Variants in PCDH15 observed in about 807,000 individuals in gnomAD.
PCDH15 encodes the protein protocadherin-15.
PCDH15 carries 129 observed loss-of-function variants against 178.5 expected under a neutral mutation model. That is an observed-to-expected ratio of 0.72 (90% CI 0.63 to 0.84). The LOEUF (loss-of-function observed/expected upper bound fraction) is 0.84. Among genes scored for constraint, PCDH15 ranks in the 40% least tolerant of loss-of-function variants. The pLI is 0.00. For synonymous variants in PCDH15, 800 were observed against 732.0 expected, an observed-to-expected ratio of 1.09 and a Z score of -1.50; for missense variants, 2,230 against 2,099.9, an observed-to-expected ratio of 1.06 and a Z score of -1.21.
intron 16 of PCDH15, among the ~76,000 whole-genome samples, chr10:54,085,826 A>G (rs1052448219): frequency 6.6e-6 from 1 of 152,158 alleles, no homozygotes; most frequent in Non-Finnish European, 1.5e-5. Flanking sequence ...AATACAAGAA[A>G]ATTTTGGCAT....
At chr10:54,185,989 A>G (rs565261554) in intron 11 of PCDH15, among the ~76,000 whole-genome samples, 1 of 152,228 alleles carries the variant, frequency 6.6e-6, no homozygotes, top group South Asian at 2.1e-4. Context: ...CAATCAACTT[A>G]GCATTGAAGA....
intron 18 of PCDH15, among the ~76,000 whole-genome samples, chr10:54,044,845 G>T (rs1488073381): frequency 1.3e-5 from 2 of 152,126 alleles, no homozygotes; most frequent in African/African-American, 4.8e-5. Flanking sequence ...TGAAGTATGA[G>T]TTGCTTTTTT....
intron 2 of PCDH15, among the ~76,000 whole-genome samples, chr10:55,038,921 G>A (rs1026375457): frequency 2.0e-5 from 3 of 152,096 alleles, no homozygotes; most frequent in Admixed American, 6.5e-5. Flanking sequence ...AAAAAGAATA[G>A]TTTATTCCGC....
intron 2 of PCDH15, among the ~76,000 whole-genome samples, chr10:55,492,235 GAA>G (rs1011128599): frequency 6.6e-6 from 1 of 150,678 alleles, no homozygotes; most frequent in Non-Finnish European, 1.5e-5. Context: ...AAAGAAAAAA[GAA>G]AAAAAAATTA....
At chr10:54,365,591 C>T (rs770706182) in intron 5 of PCDH15, among the ~76,000 whole-genome samples, 7 of 152,092 alleles carry the variant, frequency 4.6e-5, no homozygotes, top group Non-Finnish European at 7.4e-5. Context: ...TGTTTACTTA[C>T]ATCAAAATAA....
intron 2 of PCDH15, among the ~76,000 whole-genome samples, chr10:55,135,895 C>T (rs1838182923): frequency 6.6e-6 from 1 of 152,008 alleles, no homozygotes; most frequent in Admixed American, 6.6e-5. Flanking sequence ...AAAGCTTTTT[C>T]ATACCTTCTT....
chr10:54,999,149 C>T (rs555176287), intron 2 of PCDH15, among the ~76,000 whole-genome samples: 16 of 152,198 alleles, frequency 1.1e-4, no homozygotes, highest in African/African-American at 3.6e-4. Flanking sequence ...AACAATTCAT[C>T]ATTTGTTCTG....
At chr10:55,050,752 G>A (rs1334734427) in intron 2 of PCDH15, among the ~76,000 whole-genome samples, 11 of 151,960 alleles carry the variant, frequency 7.2e-5, no homozygotes, top group South Asian at 2.1e-4. Context: ...CAGTTCCTGC[G>A]TAGGCAGTCT....
chr10:55,472,291 AC>A (rs1377924325), intron 2 of PCDH15, among the ~76,000 whole-genome samples: 1 of 152,176 alleles, frequency 6.6e-6, no homozygotes, highest in Admixed American at 6.5e-5. Flanking sequence ...AGATTTCTCT[AC>A]AGTGCCAATT....
intron 2 of PCDH15, among the ~76,000 whole-genome samples, chr10:54,587,864 CAG>C (rs1372918167): frequency 3.9e-5 from 6 of 152,106 alleles, no homozygotes; most frequent in Admixed American, 3.3e-4. Flanking sequence ...TGAATATAAA[CAG>C]AGTTATAGAA....
chr10:55,180,843 T>C (rs1210166881), intron 1 of PCDH15, among the ~76,000 whole-genome samples: 1 of 152,108 alleles, frequency 6.6e-6, no homozygotes, highest in African/African-American at 2.4e-5. Context: ...GAGTTAACAC[T>C]TATATGGCAC....
chr10:55,602,232 G>T (rs182048139), intron 2 of PCDH15, among the ~76,000 whole-genome samples: 70 of 152,288 alleles, frequency 4.6e-4, no homozygotes, highest in African/African-American at 1.6e-3. Context: ...GGCTCGGAGG[G>T]TCCTACGCCC....
rs540644823 is a variant in PCDH15 at position 54,477,433 on chromosome 10, T to A, written c.157+50379A>T. Among the ~76,000 whole-genome samples, 36 of 152,304 alleles carry A rather than the reference T, an allele frequency of 2.4e-4. No homozygotes were observed. In the South Asian group the frequency reaches 2.9e-3, roughly 12 times the overall value. On this transcript the variant is annotated intron_variant, in intron 3 of 37. Coordinates refer to ENST00000644397, the MANE Select transcript of PCDH15 (RefSeq NM_001384140.1). ...GTTCCTATAACAACACTCATCATGA[T>A]GTGCTAGAATTGCATCTCTACGCAT...
At chr10:53,840,519 A>G in intron 28 of PCDH15, 23 bp from the exon 29 acceptor site, 1 of 1,605,124 alleles carries the variant, frequency 6.2e-7, no homozygotes, top group Non-Finnish European at 8.5e-7. Context: ...CAAAGTACAA[A>G]CATGACAGTC....
rs1589821675 is a variant in PCDH15 at position 53,995,639 on chromosome 10, T to C, written c.2868+10A>G. The C allele has an allele frequency of 1.2e-6, 2 of 1,613,872 alleles. No homozygotes were observed. Among genetic ancestry groups the C allele is most frequent in the East Asian group, 4.5e-5 (2 of 44,862 alleles). On this transcript the variant is annotated intron_variant, in intron 21 of 37. Transcript: ENST00000644397. ...ACAGTTCAGAATATTAATCAATGCC[T>C]TCTACTTACAGGAGGGTCTGCATCT...
chr10:55,325,224 T>G (rs1843999666), intron 2 of PCDH15, among the ~76,000 whole-genome samples: 1 of 152,060 alleles, frequency 6.6e-6, no homozygotes, highest in African/African-American at 2.4e-5. Context: ...AAAATGATCT[T>G]AAAATTCATA....
intron 2 of PCDH15, among the ~76,000 whole-genome samples, chr10:55,410,022 A>C (rs1370746074): frequency 1.3e-5 from 2 of 152,136 alleles, no homozygotes; most frequent in Non-Finnish European, 2.9e-5. Context: ...ATTTTAGAAA[A>C]TGTGTTTAAA....
At chr10:54,133,673 A>C (rs2042637912) in intron 14 of PCDH15, among the ~76,000 whole-genome samples, 1 of 152,194 alleles carries the variant, frequency 6.6e-6, no homozygotes, top group Admixed American at 6.5e-5. Context: ...AAGGAAAAAA[A>C]ATTAGCATTG....
intron 6 of PCDH15, among the ~76,000 whole-genome samples, chr10:54,331,101 T>A (rs1939451618): frequency 6.7e-6 from 1 of 150,174 alleles, no homozygotes. Context: ...AGAGAGAGAG[T>A]GTTCACACCC....
Sources: allele counts gnomAD v4.1 joint callset (sites outside exome capture counted in the v4.1 genomes callset), GRCh38; gene constraint gnomAD v4.1.1; transcripts MANE v1.5; gene names NCBI Gene and HGNC (gene_info 2026-07-23, HGNC 2026-07-21).